Variants in GARNL3 observed in about 807,000 individuals in gnomAD.
GARNL3 encodes the protein GTPase-activating Rap/Ran-GAP domain-like protein 3.
GARNL3 carries 63 observed loss-of-function variants against 125.0 expected under a neutral mutation model. The observed-to-expected ratio is 0.50, with a 90% confidence interval of 0.41 to 0.62. The LOEUF is 0.62. GARNL3 is among the 20% of genes least tolerant of loss of function. The probability of loss-of-function intolerance (pLI) is 0.00; values close to 1 mark genes in which losing one functional copy is unlikely to be tolerated. For synonymous variants in GARNL3, 439 were observed against 457.5 expected, an observed-to-expected ratio of 0.96 and a Z score of 0.52; for missense variants, 994 against 1,244.0, an observed-to-expected ratio of 0.80 and a Z score of 3.02.
At chr9:127,278,763 A>C (rs569884125) in intron 1 of GARNL3, among the ~76,000 whole-genome samples, 1 of 152,262 alleles carries the variant, frequency 6.6e-6, no homozygotes, top group South Asian at 2.1e-4. Flanking sequence ...TAGCAGGGCC[A>C]TCCTCCCTCT....
chr9:127,355,274 G>T, intron 19 of GARNL3, 23 bp from the exon 20 acceptor site: 1 of 1,609,244 alleles, frequency 6.2e-7, no homozygotes, highest in South Asian at 1.1e-5. Flanking sequence ...CATGTGTAAG[G>T]CATCATTTCT....
chr9:127,322,394 A>G (rs1240953555), intron 6 of GARNL3, among the ~76,000 whole-genome samples: 4 of 151,534 alleles, frequency 2.6e-5, no homozygotes, highest in South Asian at 4.2e-4. Flanking sequence ...TGATTTTTCT[A>G]GGAGAGGAAA....
intron 22 of GARNL3, among the ~76,000 whole-genome samples, chr9:127,381,903 C>A (rs9792480): frequency 0.16 from 23,796 of 152,062 alleles, 2,106 homozygotes; most frequent in South Asian, 0.33. Flanking sequence ...CTGCACCTGG[C>A]CGCTTTTCTT....
chr9:127,376,732 G>T (rs1471690738), intron 22 of GARNL3, among the ~76,000 whole-genome samples: 1 of 151,970 alleles, frequency 6.6e-6, no homozygotes, highest in Non-Finnish European at 1.5e-5. Context: ...GAACAATTTT[G>T]TAGTTGAAAA....
intron 6 of GARNL3, among the ~76,000 whole-genome samples, chr9:127,324,341 T>C (rs963866242): frequency 2.0e-5 from 3 of 152,246 alleles, no homozygotes; most frequent in Admixed American, 6.5e-5. Flanking sequence ...TGGAGGTTTG[T>C]ATGCCTCTTA....
intron 5 of GARNL3, among the ~76,000 whole-genome samples, 165 bp downstream of exon 5, chr9:127,318,292 T>C (rs548753926): frequency 4.6e-5 from 7 of 152,334 alleles, no homozygotes; most frequent in African/African-American, 1.4e-4. Flanking sequence ...CGTGTCATCA[T>C]CACAGCAACC....
At chr9:127,225,838 C>A (rs1339183051) in intron 1 of GARNL3, among the ~76,000 whole-genome samples, 1 of 62,692 alleles carries the variant, frequency 1.6e-5, no homozygotes, top group Non-Finnish European at 3.4e-5. Flanking sequence ...CCCCTCGCGC[C>A]CCTTGCGCCC....
chr9:127,390,311 C>T (rs754740412), intron 26 of GARNL3, among the ~76,000 whole-genome samples: 11 of 152,164 alleles, frequency 7.2e-5, no homozygotes, highest in Non-Finnish European at 1.2e-4. Flanking sequence ...TTGATCTGCC[C>T]ACCACTGTTT....
At chr9:127,389,836 G>A (rs1317737135) in intron 26 of GARNL3, among the ~76,000 whole-genome samples, 2 of 148,810 alleles carry the variant, frequency 1.3e-5, no homozygotes, top group East Asian at 2.0e-4. Context: ...CAAGAGAATC[G>A]ATTGAGTCCG....
intron 9 of GARNL3, among the ~76,000 whole-genome samples, chr9:127,334,886 ACAT>A (rs1418087200): frequency 1.3e-4 from 20 of 152,332 alleles, no homozygotes; most frequent in African/African-American, 4.8e-4. Context: ...TGGCTTATGG[ACAT>A]AATTGTTTGT....
chr9:127,291,726 CTTTTTTTT>C (rs142800268), intron 2 of GARNL3, among the ~76,000 whole-genome samples: 1 of 59,304 alleles, frequency 1.7e-5, no homozygotes, highest in South Asian at 6.9e-4. Flanking sequence ...ACTCACCTTG[CTTTTTTTT>C]TTTTTTTTTT....
intron 2 of GARNL3, among the ~76,000 whole-genome samples, chr9:127,308,952 G>A (rs911081093): frequency 6.6e-6 from 1 of 152,062 alleles, no homozygotes; most frequent in African/African-American, 2.4e-5. Context: ...AGGTAAATCT[G>A]GTAAGTAAAA....
At position 127,265,091 on chromosome 9, in the gene GARNL3, G is replaced by C; in HGVS notation, c.144+70G>C. 13 of 1,383,768 alleles carry C rather than the reference G, an allele frequency of 9.4e-6. No homozygotes were observed. The South Asian group carries it at 1.8e-4, about 19-fold the overall frequency. 85.7% of individuals were successfully genotyped at this position (1,383,768 alleles called of 1,614,324 possible). On this transcript the variant is annotated intron_variant, in intron 1 of 27. Coordinates refer to ENST00000373387, the MANE Select transcript of GARNL3 (RefSeq NM_032293.5). ...TTAGAGACGATTGCCAAGCTCATCA[G>C]ATCTTTTGTTGTATATTTACTGTTA...
intron 2 of GARNL3, among the ~76,000 whole-genome samples, chr9:127,306,940 G>A (rs913786559): frequency 6.6e-6 from 1 of 152,028 alleles, no homozygotes; most frequent in Admixed American, 6.6e-5. Flanking sequence ...AATGAATCTA[G>A]CAGCAGGCCT....
intron 4 of GARNL3, among the ~76,000 whole-genome samples, chr9:127,314,277 G>A (rs1158986831): frequency 1.3e-5 from 2 of 152,160 alleles, no homozygotes; most frequent in Non-Finnish European, 2.9e-5. Context: ...CATACTTCTG[G>A]TCATTAACAT....
Position 127,383,439 on chromosome 9 carries a change from C to G in GARNL3, c.2163C>G (p.Tyr721Ter). 1 of 1,597,268 alleles carries G rather than the reference C, an allele frequency of 6.3e-7. No homozygotes were observed. The highest frequency in any genetic ancestry group is 8.6e-7 in the Non-Finnish European group (1 of 1,169,228). ...GAGTTGCTGTTGTTTTCATTGCAGACAGTTGCATCTATAAAAAGGTTTGCC... is the reference window on the plus strand; with the variant it reads ...GAGTTGCTGTTGTTTTCATTGCAGAGAGTTGCATCTATAAAAAGGTTTGCC... ...GEAGLLLCYN[Y>*]SCIYKKVCPF... The change falls in exon 23 of 28, where the codon TAC (tyrosine) becomes TAG (stop). Residue 721 changes from tyrosine to a stop codon, truncating the protein, a stop_gained and splice_region_variant. Coordinates refer to ENST00000373387, the MANE Select transcript of GARNL3 (RefSeq NM_032293.5). LOFTEE classifies it high-confidence loss of function.
At chr9:127,331,168 ATAGGGAATAACATAATGAAGACC>A (rs1829213032) in intron 7 of GARNL3, among the ~76,000 whole-genome samples, 1 of 152,144 alleles carries the variant, frequency 6.6e-6, no homozygotes, top group Admixed American at 6.5e-5. Context: ...AAAAAAAAGT[ATAGGGAATAACATAATGAAGACC>A]TACAAAACCA....
At chr9:127,240,132 C>T (rs916895442) in intron 1 of GARNL3, among the ~76,000 whole-genome samples, 16 of 151,966 alleles carry the variant, frequency 1.1e-4, no homozygotes, top group African/African-American at 3.9e-4. Context: ...ATAGTCCAAG[C>T]GTATATATTG....
At chr9:127,390,865 C>A (rs1282319801) in intron 27 of GARNL3, 98 bp downstream of exon 27, 5 of 1,259,722 alleles carry the variant, frequency 4.0e-6, no homozygotes, top group Non-Finnish European at 5.5e-6. Context: ...CCACTAGTGG[C>A]CCCTGGCAGC....
Sources: gnomAD v4.1 joint callset for allele counts (sites outside exome capture counted in the v4.1 genomes callset) on GRCh38, gnomAD v4.1.1 for gene constraint, MANE v1.5 for transcripts, NCBI Gene and HGNC (gene_info 2026-07-23, HGNC 2026-07-21) for gene names.